The following HAS1 variants were observed in gnomAD, a reference collection of about 807,000 sequenced individuals.
The protein encoded by HAS1 is hyaluronan synthase 1, also known as HA synthase 1.
HAS1 carries 27 observed loss-of-function variants against 35.0 expected under a neutral mutation model. That is an observed-to-expected ratio of 0.77 (90% CI 0.57 to 1.06). The LOEUF (loss-of-function observed/expected upper bound fraction) is 1.06, where lower values mean the gene tolerates loss of function less well. HAS1 is among the 50% of genes least tolerant of loss of function. The probability of loss-of-function intolerance (pLI) is 0.00; values close to 1 mark genes in which losing one functional copy is unlikely to be tolerated. For synonymous variants in HAS1, 409 were observed against 371.2 expected (o/e 1.10, Z -1.17); for missense variants, 940 against 814.8 (o/e 1.15, Z -1.87).
At position 51,713,669 on chromosome 19, in the gene HAS1, T is replaced by A. The variant is rs1402446923; in HGVS notation, c.1492A>T (p.Asn498Tyr). 11 of 1,583,524 alleles carry A rather than the reference T, an allele frequency of 6.9e-6. No homozygotes were observed. Among genetic ancestry groups the A allele is most frequent in the Non-Finnish European group, 8.6e-6 (10 of 1,166,278 alleles). ...GTSGRRKLAA[N>Y]YVPLLPLALW... ...GCCAGGGGCAGCAGAGGGACGTAGT[T>A]AGCGGCCAGCTTCCGCCGGCCCGAG... Residue 498 changes from asparagine (N) to tyrosine (Y), a missense_variant, in exon 5 of 5, where the codon AAC becomes TAC. Coordinates refer to ENST00000540069, the MANE Select transcript of HAS1 (RefSeq NM_001297436.2). This position sits in a 1 kb window ranked among gnomAD's most constrained non-coding sequence, Gnocchi z 4.5.
In HAS1 at chr19:51,719,299, G is replaced by A. The variant is rs11084112; in HGVS notation, c.606C>T (p.Arg202=). Residue 202 remains arginine (R), a synonymous_variant, in exon 2 of 5, where the codon CGC becomes CGT. Coordinates refer to ENST00000540069, the MANE Select transcript of HAS1 (RefSeq NM_001297436.2). ...AGCGCTGCGCCACGCACACGCACCT[G>A]CGAGTCCTCACCAGCGCCTCCACTG... is the stretch of plus-strand genomic sequence containing the variant. ...RLAVEALVRT[R]RCVCVAQRWG... The A allele has an allele frequency of 0.33, 534,792 of 1,611,836 alleles. 90,859 individuals are homozygous for A. Among genetic ancestry groups the A allele is most frequent in the African/African-American group, 0.42 (31,322 of 74,770 alleles).
chr19:51,719,075 C>T (rs2083604894), intron 2 of HAS1, 131 bp downstream of exon 2: 1 of 522,628 alleles, frequency 1.9e-6, no homozygotes, highest in Non-Finnish European at 3.3e-6. Context: ...AGGAAAGAAT[C>T]TCTCCACTGC....
Position 51,719,764 on chromosome 19 carries a change from G to A in HAS1, c.141C>T (p.Ser47=), listed in dbSNP as rs756849973. The change falls in exon 2 of 5, where the codon TCC becomes TCT. Residue 47 remains serine, a synonymous_variant. Transcript: ENST00000540069. ...WAYAAGVPLA[S]DRYGLLAFGL... ...CGAAGGCCAGGAGGCCGTAGCGATCGGAGGCCAGCGGCACCCCGGCGGCGT... is the reference window on the plus strand; with the variant it reads ...CGAAGGCCAGGAGGCCGTAGCGATCAGAGGCCAGCGGCACCCCGGCGGCGT... The A allele has an allele frequency of 2.6e-6, 4 of 1,564,530 alleles. No homozygotes were observed. Among genetic ancestry groups the A allele is most frequent in the East Asian group, 4.7e-5 (2 of 42,210 alleles).
chr19:51,715,169 C>T (rs887946948), intron 4 of HAS1, among the ~76,000 whole-genome samples: 96 of 152,266 alleles, frequency 6.3e-4, no homozygotes, highest in African/African-American at 2.0e-3. Flanking sequence ...TCCCTGCTTC[C>T]GACCTTGCCT....
rs551522697 is a variant in HAS1, at chr19:51,717,292, C to G, written c.700-99G>C. On this transcript the variant is annotated intron_variant, in intron 2 of 4. Coordinates refer to ENST00000540069, the MANE Select transcript of HAS1 (RefSeq NM_001297436.2). Reference sequence around the variant, plus strand: ...GGTGCAATGCAGCTGGGGCACTCTGCAACCGATCTGAACATAATTTTGAGA... The same window carrying G: ...GGTGCAATGCAGCTGGGGCACTCTGGAACCGATCTGAACATAATTTTGAGA... The G allele has an allele frequency of 4.5e-4, 336 of 744,144 alleles. 2 individuals are homozygous for G. In the African/African-American group the frequency reaches 5.3e-3, roughly 12 times the overall value. 46.1% of individuals were successfully genotyped at this position (744,144 alleles called of 1,614,324 possible).
intron 2 of HAS1, 149 bp from the exon 3 acceptor site, chr19:51,717,342 T>C (rs1290679967): frequency 3.3e-6 from 2 of 611,114 alleles, no homozygotes; most frequent in African/African-American, 3.7e-5. Context: ...TTTCAATGTG[T>C]AGTCACAGTT....
rs1028143239 is a variant in HAS1, at chr19:51,723,949, C to T, written c.-16G>A. ...CCTGTCTCATCGCAGTGGGTCTGGC[C>T]GGGCTCTCTCTTCTCTCCGGCTTGC... On this transcript the variant is annotated 5_prime_UTR_variant, in exon 1 of 5. Transcript: ENST00000540069. The T allele has an allele frequency of 1.2e-5, 19 of 1,536,324 alleles. No individual in the cohort carries two copies. Among genetic ancestry groups the T allele is most frequent in the South Asian group, 2.4e-5 (2 of 83,868 alleles).
At position 51,719,281 on chromosome 19, in the gene HAS1, C is replaced by T; in HGVS notation, c.624G>A (p.Ala208=). The change falls in exon 2 of 5, where the codon GCG becomes GCA. Residue 208 remains alanine (A), a synonymous_variant. Coordinates refer to ENST00000540069, the MANE Select transcript of HAS1 (RefSeq NM_001297436.2). ...CCTCGCGCTTGCCGCCCCAGCGCTG[C>T]GCCACGCACACGCACCTGCGAGTCC... ...LVRTRRCVCV[A]QRWGGKREVM... 3 of 1,611,404 alleles carry T rather than the reference C, an allele frequency of 1.9e-6. No homozygotes were observed. Among genetic ancestry groups the T allele is most frequent in the Non-Finnish European group, 2.5e-6 (3 of 1,179,044 alleles).
At chr19:51,716,567 C>T (rs571532012) in intron 3 of HAS1, among the ~76,000 whole-genome samples, 179 bp from the exon 4 acceptor site, 96 of 152,176 alleles carry the variant, frequency 6.3e-4, no homozygotes, top group South Asian at 1.2e-3. Flanking sequence ...CAACCTCATA[C>T]GCACTCCAAC....
intron 3 of HAS1, 71 bp from the exon 4 acceptor site, chr19:51,716,459 A>G: frequency 1.4e-6 from 2 of 1,387,846 alleles, no homozygotes; most frequent in Non-Finnish European, 2.0e-6. Flanking sequence ...TGCTGTTTCC[A>G]GCCCCAACCC....
chr19:51,715,745 G>A (rs776777426), intron 4 of HAS1, among the ~76,000 whole-genome samples: 2 of 152,152 alleles, frequency 1.3e-5, no homozygotes, highest in Non-Finnish European at 2.9e-5. Flanking sequence ...CCTCCCCTGA[G>A]TCTCATGGAA....
chr19:51,720,133 TTTTTTTC>T (rs1909290693), intron 1 of HAS1, among the ~76,000 whole-genome samples: 1 of 151,636 alleles, frequency 6.6e-6, no homozygotes. Flanking sequence ...TTTTTTGTTT[TTTTTTTC>T]TTTTGAGACA....
At position 51,717,311 on chromosome 19, in the gene HAS1, T is replaced by A. The variant is rs57062105; in HGVS notation, c.700-118A>T. On this transcript the variant is annotated intron_variant, in intron 2 of 4. Transcript: ENST00000540069. ...ACTCTGCAACCGATCTGAACATAAT[T>A]TTGAGATTTTTTAAAGTCATTTTCA... 8.7e-4 allele frequency: 566 copies of A among 647,422 alleles called. 7 individuals carry two copies. The African/African-American group carries it at 9.6e-3, about 11-fold the overall frequency. 40.1% of individuals were successfully genotyped at this position (647,422 alleles called of 1,614,324 possible).
At chr19:51,721,767 A>AAAT (rs1313383201) in intron 1 of HAS1, among the ~76,000 whole-genome samples, 5 of 151,836 alleles carry the variant, frequency 3.3e-5, no homozygotes, top group Non-Finnish European at 5.9e-5. Context: ...CTCCATCTCG[A>AAAT]AATAATAATA....
chr19:51,717,026 A>C lies in HAS1; in HGVS notation c.867T>G (p.Asn289Lys). 1 of 1,614,106 alleles carries C rather than the reference A, an allele frequency of 6.2e-7. No homozygotes were observed. The highest frequency in any genetic ancestry group is 1.1e-5 in the South Asian group (1 of 91,082). Residue 289 changes from asparagine (N) to lysine (K), a missense_variant, in exon 3 of 5, where the codon AAT becomes AAG. Coordinates refer to ENST00000540069, the MANE Select transcript of HAS1 (RefSeq NM_001297436.2). The stretch of plus-strand genomic sequence containing the variant: ...AGTAGCTCTGACAAGCCCGCTCCAC[A>C]TTGAAGGCTACCCAGTATCGCAGGC... ...LSSLRYWVAF[N>K]VERACQSYFH...
rs975588969 is a variant in HAS1, at chr19:51,719,779, C to G, written c.126G>C (p.Gly42=). ...LGLMTWAYAA[G]VPLASDRYGL... is the part of the protein sequence containing the mutation. ...CGTAGCGATCGGAGGCCAGCGGCAC[C>G]CCGGCGGCGTAGGCCCAGGTCATGA... The change falls in exon 2 of 5, where the codon GGG becomes GGC. Residue 42 remains glycine, a synonymous_variant. Coordinates refer to ENST00000540069, the MANE Select transcript of HAS1 (RefSeq NM_001297436.2). 4.5e-6 allele frequency: 7 copies of G among 1,561,264 alleles called. No individual in the cohort carries two copies. Among genetic ancestry groups the G allele is most frequent in the Non-Finnish European group, 6.1e-6 (7 of 1,156,994 alleles).
chr19:51,723,004 T>C (rs2083640950), intron 1 of HAS1, among the ~76,000 whole-genome samples: 1 of 152,214 alleles, frequency 6.6e-6, no homozygotes, highest in African/African-American at 2.4e-5. Flanking sequence ...TATTCTTTCT[T>C]CTCGAATCCC....
At chr19:51,717,227 C>A in intron 2 of HAS1, 34 bp from the exon 3 acceptor site, 1 of 1,426,974 alleles carries the variant, frequency 7.0e-7, no homozygotes, top group Non-Finnish European at 9.8e-7. Flanking sequence ...TCAGCACAGA[C>A]CCCTGCATCA....
intron 2 of HAS1, 138 bp from the exon 3 acceptor site, chr19:51,717,331 T>C: frequency 1.6e-6 from 1 of 616,958 alleles, no homozygotes; most frequent in Non-Finnish European, 2.9e-6. Context: ...TTTAAAGTCA[T>C]TTTCAATGTG....
Sources: allele counts gnomAD v4.1 joint callset (sites outside exome capture counted in the v4.1 genomes callset), GRCh38; gene constraint gnomAD v4.1.1; non-coding constraint Gnocchi (gnomAD v3.1); transcripts MANE v1.5; gene names NCBI Gene and HGNC (gene_info 2026-07-23, HGNC 2026-07-21).